The following FMN2 variants were observed in gnomAD, a reference collection of about 807,000 sequenced individuals.
FMN2 encodes the protein formin-2.
In FMN2, 51 loss-of-function variants were observed where a neutral mutation model predicts 142.3. That is an observed-to-expected ratio of 0.36 (90% confidence interval 0.29 to 0.45). The LOEUF is 0.45. Ranked by LOEUF, FMN2 falls within the 20% of genes least tolerant of loss-of-function variation. FMN2 has a pLI of 1.00. For synonymous variants in FMN2, 882 were observed against 869.8 expected (o/e 1.01, Z -0.25); for missense variants, 1,936 against 2,122.8 (o/e 0.91, Z 1.73).
chr1:240,345,147 A>T (rs1671867140), intron 13 of FMN2, among the ~76,000 whole-genome samples: 1 of 152,324 alleles, frequency 6.6e-6, no homozygotes, highest in African/African-American at 2.4e-5. Context: ...AGCTAAAATA[A>T]TTCTTCTTCA....
chr1:240,408,805 C>A (rs1674298978), intron 15 of FMN2, among the ~76,000 whole-genome samples: 2 of 152,106 alleles, frequency 1.3e-5, no homozygotes, highest in South Asian at 4.1e-4. Context: ...TCTTGAGTTT[C>A]TCCTGAAGCC....
intron 8 of FMN2, among the ~76,000 whole-genome samples, chr1:240,316,976 G>A (rs1013248477): frequency 2.0e-5 from 3 of 152,120 alleles, no homozygotes; most frequent in Admixed American, 6.6e-5. Context: ...CTATGCACTC[G>A]TGTCACATGT....
chr1:240,260,425 A>AT lies in FMN2; in HGVS notation c.4153+2402dup, dbSNP rs540204502. ...CCATGCCAACATCTATTATTTTTTT[A>AT]TTTTTTTTTAATGTGGCCATTCTTG... is the stretch of plus-strand genomic sequence containing the variant. On this transcript the variant is annotated intron_variant, in intron 7 of 17. Transcript: ENST00000319653. 1.2e-3 allele frequency among the ~76,000 whole-genome samples: 182 copies of AT among 150,202 alleles called. 1 individual carries two copies. The East Asian group carries it at 0.022, about 18-fold the overall frequency.
At position 240,170,163 on chromosome 1, in the gene FMN2, C is replaced by T. The variant is rs927100915; in HGVS notation, c.1783-7758C>T. On this transcript the variant is annotated intron_variant, in intron 2 of 17. Transcript: ENST00000319653. ...TCCATCCCTGGCGCCGACCAGAACC[C>T]GTGGACATGGTGAACCAGGTTATCA... 4.3e-5 allele frequency: 39 copies of T among 903,972 alleles called. No homozygotes were observed. In the Admixed American group the frequency reaches 4.4e-4, roughly 10 times the overall value. 56.0% of individuals were successfully genotyped at this position (903,972 alleles called of 1,614,324 possible).
chr1:240,225,984 A>C (rs1215727111), intron 6 of FMN2, among the ~76,000 whole-genome samples: 2 of 152,182 alleles, frequency 1.3e-5, no homozygotes, highest in Non-Finnish European at 2.9e-5. Flanking sequence ...ACATAGATCA[A>C]TAGAGATGGC....
In FMN2 at chr1:240,091,967, C is replaced by A; in HGVS notation, c.-143C>A. On this transcript the variant is annotated 5_prime_UTR_variant, in exon 1 of 18. Coordinates refer to ENST00000319653, the MANE Select transcript of FMN2 (RefSeq NM_020066.5). ...GCAGATGCGAGCGGGGCCAGCCGGG[C>A]GCGCGTCGGCCTCCCCTCCCAGCGG... 3 of 1,317,984 alleles carry A rather than the reference C, an allele frequency of 2.3e-6. No homozygotes were observed. The highest frequency in any genetic ancestry group is 1.8e-5 in the South Asian group (1 of 54,146). 81.6% of individuals were successfully genotyped at this position (1,317,984 alleles called of 1,614,324 possible). A position where few individuals can be genotyped will look rare whatever the true frequency, so the allele number is the denominator to read the frequency against.
intron 8 of FMN2, among the ~76,000 whole-genome samples, chr1:240,312,446 C>A (rs991949077): frequency 6.6e-6 from 1 of 152,180 alleles, no homozygotes; most frequent in South Asian, 2.1e-4. Flanking sequence ...ACATTGTACG[C>A]ATATTCACTT....
intron 6 of FMN2, among the ~76,000 whole-genome samples, chr1:240,240,732 A>G (rs1195028884): frequency 6.6e-6 from 1 of 152,230 alleles, no homozygotes; most frequent in East Asian, 1.9e-4. Context: ...AATTATAGAT[A>G]GGATACATAT....
intron 6 of FMN2, among the ~76,000 whole-genome samples, chr1:240,254,520 G>A (rs193048176): frequency 2.3e-3 from 354 of 152,208 alleles, no homozygotes; most frequent in African/African-American, 8.2e-3. Flanking sequence ...GGTGCTGGCT[G>A]TGGTAAGTAG....
At chr1:240,275,023 G>T (rs917763883) in intron 7 of FMN2, among the ~76,000 whole-genome samples, 2 of 151,612 alleles carry the variant, frequency 1.3e-5, no homozygotes, top group African/African-American at 4.8e-5. Context: ...GAACCTGGTG[G>T]TATACCTATA....
At chr1:240,100,555 A>G (rs1289939536) in intron 1 of FMN2, among the ~76,000 whole-genome samples, 2 of 152,234 alleles carry the variant, frequency 1.3e-5, no homozygotes, top group Non-Finnish European at 2.9e-5. Context: ...AATTCTAAGA[A>G]TGAGTAACAA....
At chr1:240,114,471 G>A (rs573207918) in intron 1 of FMN2, among the ~76,000 whole-genome samples, 15 of 152,206 alleles carry the variant, frequency 9.9e-5, no homozygotes, top group Non-Finnish European at 1.3e-4. Flanking sequence ...CACCATGTCT[G>A]GCTTTCTCAG....
intron 2 of FMN2, chr1:240,142,597 G>A: frequency 6.9e-7 from 1 of 1,449,214 alleles, no homozygotes; most frequent in Non-Finnish European, 9.4e-7. Flanking sequence ...CTGCAGCTGT[G>A]TCCACCCTTG....
chr1:240,392,093 T>G (rs1436689311), intron 14 of FMN2, among the ~76,000 whole-genome samples: 1 of 151,164 alleles, frequency 6.6e-6, no homozygotes, highest in Non-Finnish European at 1.5e-5. Context: ...CTGAGAAATG[T>G]CACATACCAT....
At chr1:240,271,206 G>A (rs2102920649) in intron 7 of FMN2, among the ~76,000 whole-genome samples, 1 of 137,812 alleles carries the variant, frequency 7.3e-6, no homozygotes, top group East Asian at 2.3e-4. Flanking sequence ...GTTTTCTTAT[G>A]AAATTTCCTA....
chr1:240,093,665 T>C lies in FMN2; in HGVS notation c.1556T>C (p.Leu519Pro). Residue 519 changes from leucine to proline, a missense_variant, in exon 1 of 18, where the codon CTG (leucine) becomes CCG (proline). Coordinates refer to ENST00000319653, the MANE Select transcript of FMN2 (RefSeq NM_020066.5). ...AGCGGCGGTGGGGTGTCCCCAGCAC[T>C]GGCCGCCAAGGCGTCTGGGGCCCCC... Reference protein sequence around the residue: ...SDSGGGVSPALAAKASGAPAA... With the variant: ...SDSGGGVSPAPAAKASGAPAA... The C allele has an allele frequency of 1.5e-6, 2 of 1,364,304 alleles. No homozygotes were observed. The highest frequency in any genetic ancestry group is 2.0e-5 in the South Asian group (1 of 50,674). 84.5% of individuals were successfully genotyped at this position (1,364,304 alleles called of 1,614,324 possible).
At chr1:240,101,744 A>G in intron 1 of FMN2, among the ~76,000 whole-genome samples, 1 of 144,814 alleles carries the variant, frequency 6.9e-6, no homozygotes, top group South Asian at 2.2e-4. Flanking sequence ...ACAGGGTCTC[A>G]CTATGTTACC....
At chr1:240,409,643 TAC>T (rs1674331776) in intron 15 of FMN2, among the ~76,000 whole-genome samples, 1 of 152,210 alleles carries the variant, frequency 6.6e-6, no homozygotes, top group African/African-American at 2.4e-5. Flanking sequence ...CAGTAACATA[TAC>T]AGGCACAATT....
At chr1:240,345,055 C>T (rs1671863062) in intron 13 of FMN2, among the ~76,000 whole-genome samples, 1 of 152,198 alleles carries the variant, frequency 6.6e-6, no homozygotes, top group African/African-American at 2.4e-5. Flanking sequence ...GTTTCATTCT[C>T]ATAACTGAGT....
Sources: allele counts gnomAD v4.1 joint callset (sites outside exome capture counted in the v4.1 genomes callset), GRCh38; gene constraint gnomAD v4.1.1; transcripts MANE v1.5; gene names NCBI Gene and HGNC (gene_info 2026-07-23, HGNC 2026-07-21).